The following CASD1 variants were observed in gnomAD, a reference collection of about 807,000 sequenced individuals.
CASD1 encodes CAS1 domain sialic acid O acetyltransferase 1.
A neutral mutation model predicts 100.0 loss-of-function variants in CASD1; 41 were observed. The observed-to-expected ratio is 0.41, with a 90% CI of 0.32 to 0.53. The LOEUF (loss-of-function observed/expected upper bound fraction) is 0.53. CASD1 is among the 20% of genes least tolerant of loss of function. CASD1 has a pLI of 0.25. For missense variants in CASD1, 774 were observed against 948.7 expected (o/e 0.82, Z 2.42); for synonymous variants, 321 against 315.6 (o/e 1.02, Z -0.18).
the CASD1 span, among the ~76,000 whole-genome samples, chr7:94,630,473 ATAATC>A: frequency 6.6e-6 from 1 of 151,926 alleles, no homozygotes; most frequent in Non-Finnish European, 1.5e-5. Context: ...TTCAAACAAT[ATAATC>A]TATTATATTA....
the CASD1 span, among the ~76,000 whole-genome samples, chr7:94,584,123 A>G: frequency 1.3e-5 from 2 of 152,214 alleles, no homozygotes; most frequent in African/African-American, 4.8e-5. Context: ...CAATCTCCAA[A>G]TGGCTTCTTT....
the CASD1 span, chr7:94,618,687 TATA>T: frequency 7.7e-7 from 1 of 1,293,042 alleles, no homozygotes; most frequent in African/African-American, 1.5e-5. Context: ...ATCTTCCATC[TATA>T]ATAAGTTTGA....
the CASD1 span, chr7:94,619,553 G>A: frequency 6.6e-6 from 1 of 152,140 alleles, no homozygotes; most frequent in African/African-American, 2.4e-5. Context: ...ATGAGAAACT[G>A]TAAGTAAATA....
At chr7:94,613,955 A>G in the CASD1 span, among the ~76,000 whole-genome samples, 4 of 152,104 alleles carry the variant, frequency 2.6e-5, no homozygotes, top group Non-Finnish European at 5.9e-5. Flanking sequence ...TGAAAGATGT[A>G]TGGGATTATA....
chr7:94,585,294 T>G, the CASD1 span: 18 of 494,700 alleles, frequency 3.6e-5, no homozygotes, highest in African/African-American at 3.4e-4. Flanking sequence ...CATCAATGTT[T>G]TACAAATTGT....
At chr7:94,544,347 G>A (rs1584422544) in intron 10 of CASD1, 64 bp from the exon 11 acceptor site, 1 of 1,574,840 alleles carries the variant, frequency 6.3e-7, no homozygotes, top group Non-Finnish European at 8.7e-7. Context: ...AAATGTACTT[G>A]TTATGATAAT....
chr7:94,565,182 T>C, the CASD1 span, among the ~76,000 whole-genome samples: 4 of 152,124 alleles, frequency 2.6e-5, no homozygotes, highest in Non-Finnish European at 4.4e-5. Context: ...CTGACACTTA[T>C]GTGCCACTAC....
At chr7:94,571,444 A>T in the CASD1 span, among the ~76,000 whole-genome samples, 6 of 152,144 alleles carry the variant, frequency 3.9e-5, no homozygotes, top group Non-Finnish European at 8.8e-5. Context: ...TGTAATAATT[A>T]TGAGGAGCTT....
the CASD1 span, among the ~76,000 whole-genome samples, chr7:94,593,533 G>A: frequency 6.6e-6 from 1 of 151,524 alleles, no homozygotes; most frequent in Admixed American, 6.6e-5. Context: ...CAAATATTTG[G>A]GATCCTCCAG....
the CASD1 span, among the ~76,000 whole-genome samples, chr7:94,609,072 T>C: frequency 6.6e-6 from 1 of 152,202 alleles, no homozygotes; most frequent in African/African-American, 2.4e-5. Context: ...AAGATGGACT[T>C]AATTAAAATT....
At chr7:94,572,641 T>C in the CASD1 span, among the ~76,000 whole-genome samples, 2 of 152,236 alleles carry the variant, frequency 1.3e-5, no homozygotes. Context: ...CTTTATTAGA[T>C]GCATAGTTTG....
chr7:94,542,019 C>A (rs548630604), intron 10 of CASD1, among the ~76,000 whole-genome samples: 1 of 152,234 alleles, frequency 6.6e-6, no homozygotes, highest in Admixed American at 6.5e-5. Flanking sequence ...TTGCAATAGG[C>A]CAACATTGGC....
At chr7:94,579,781 G>A in the CASD1 span, among the ~76,000 whole-genome samples, 3 of 152,130 alleles carry the variant, frequency 2.0e-5, no homozygotes, top group South Asian at 2.1e-4. Flanking sequence ...GCACCAGTCC[G>A]AACCTCTACT....
chr7:94,530,235 A>G (rs2116291668), intron 5 of CASD1, among the ~76,000 whole-genome samples: 1 of 152,260 alleles, frequency 6.6e-6, no homozygotes, highest in South Asian at 2.1e-4. Flanking sequence ...GGGAACGAGA[A>G]GTGGGGTTAT....
At chr7:94,554,825 GT>G (rs1481636870) in intron 17 of CASD1, among the ~76,000 whole-genome samples, 8 of 151,920 alleles carry the variant, frequency 5.3e-5, no homozygotes, top group Non-Finnish European at 1.2e-4. Context: ...TATTATTTAC[GT>G]TGTCTTGAGC....
chr7:94,547,163 G>T lies in CASD1; in HGVS notation c.1701G>T (p.Leu567Phe). 1.9e-6 allele frequency: 3 copies of T among 1,580,532 alleles called. No homozygotes were observed. The highest frequency in any genetic ancestry group is 2.3e-5 in the East Asian group (1 of 43,834). ...LGFLLLFICFLAYSQGAFEKI... is the reference protein window; with the variant it reads ...LGFLLLFICFFAYSQGAFEKI... ...TTTTGCTGTTATTCATATGTTTTTT[G>T]GCATATTCTCAGGTTTGTACAATCT... Residue 567 changes from leucine (L) to phenylalanine (F), a missense_variant, in exon 13 of 18, where the codon TTG becomes TTT. Physicochemically the swap from Leu to Phe is conservative, Grantham distance 22. This residue lies in a region of CASD1 where 453 missense variants were observed against 532.6 expected (regional missense o/e 0.85). Transcript: ENST00000297273.
chr7:94,623,847 TGCACCCCAA>T, the CASD1 span: 1 of 358,498 alleles, frequency 2.8e-6, no homozygotes, highest in Non-Finnish European at 5.0e-6. Flanking sequence ...AGTACTAAAC[TGCACCCCAA>T]TCAGTCAAAA....
downstream of CASD1, among the ~76,000 whole-genome samples, chr7:94,557,583 A>G (rs565181541): frequency 6.6e-6 from 1 of 152,232 alleles, no homozygotes; most frequent in South Asian, 2.1e-4. Flanking sequence ...AAAAAGAAAG[A>G]TGACCAGTCT....
intron 3 of CASD1, among the ~76,000 whole-genome samples, chr7:94,519,950 T>C (rs753414327): frequency 7.9e-5 from 12 of 152,250 alleles, no homozygotes; most frequent in Non-Finnish European, 1.3e-4. Context: ...TGGTTTAGTC[T>C]GCAGCCAAAA....
Sources: gnomAD v4.1 joint callset for allele counts (sites outside exome capture counted in the v4.1 genomes callset) on GRCh38, gnomAD v4.1.1 for gene constraint, gnomAD v4.1.1 regional missense constraint, MANE v1.5 for transcripts, NCBI Gene and HGNC (gene_info 2026-07-23, HGNC 2026-07-21) for gene names.